The following CTNNA2 variants were observed in gnomAD, a reference collection of about 807,000 sequenced individuals.
CTNNA2 encodes catenin alpha 2, also known as catenin alpha-2.
Under a neutral mutation model 101.0 loss-of-function variants are expected in CTNNA2, and 42 were observed. The observed-to-expected ratio is 0.42, with a 90% CI of 0.32 to 0.54. The LOEUF (loss-of-function observed/expected upper bound fraction) is 0.54, where lower values mean the gene tolerates loss of function less well. Ranked by LOEUF, CTNNA2 falls within the 20% of genes least tolerant of loss-of-function variation. CTNNA2 has a pLI of 0.14. For synonymous variants in CTNNA2, 450 were observed against 456.4 expected (o/e 0.99, Z 0.18); for missense variants, 871 against 1,223.1 (o/e 0.71, Z 4.29).
chr2:80,572,872 A>G (rs977677991), intron 12 of CTNNA2: 2 of 152,206 alleles, frequency 1.3e-5, no homozygotes, highest in African/African-American at 4.8e-5. Flanking sequence ...GGTAATTTCT[A>G]CTAAAGTGTG....
chr2:79,857,613 G>A (rs1037209051), intron 3 of CTNNA2, among the ~76,000 whole-genome samples: 2 of 152,162 alleles, frequency 1.3e-5, no homozygotes, highest in African/African-American at 4.8e-5. Context: ...ATTCCATGTG[G>A]AACAATTTGT....
At chr2:79,930,915 C>T (rs181488441) in intron 7 of CTNNA2, among the ~76,000 whole-genome samples, 244 of 152,326 alleles carry the variant, frequency 1.6e-3, no homozygotes, top group African/African-American at 5.5e-3. Context: ...CAGTATGAAG[C>T]AGATTTTAGA....
chr2:79,259,871 A>G (rs1215330325), intron 2 of CTNNA2, among the ~76,000 whole-genome samples: 1 of 152,236 alleles, frequency 6.6e-6, no homozygotes, highest in Non-Finnish European at 1.5e-5. Flanking sequence ...CTATGCAGAT[A>G]GATAAGAGAC....
intron 7 of CTNNA2, among the ~76,000 whole-genome samples, chr2:79,977,050 G>T (rs964365148): frequency 1.3e-5 from 2 of 152,162 alleles, no homozygotes; most frequent in Admixed American, 6.5e-5. Context: ...TTCACACAGA[G>T]CTTGAAACTT....
intron 1 of CTNNA2, among the ~76,000 whole-genome samples, chr2:79,558,452 C>G (rs1430641): frequency 0.5 from 76,480 of 151,554 alleles, 20,035 homozygotes; most frequent in Middle Eastern, 0.58. Flanking sequence ...TTATGACATA[C>G]AGTAGTGCTG....
At chr2:80,646,821 A>ATCTT (rs1282852186) in intron 18 of CTNNA2, among the ~76,000 whole-genome samples, 13 of 152,114 alleles carry the variant, frequency 8.5e-5, no homozygotes, top group Non-Finnish European at 4.4e-5. Flanking sequence ...GATGAGTAGT[A>ATCTT]TCTTTAAAGA....
At chr2:80,083,200 A>C (rs1219717395) in intron 7 of CTNNA2, among the ~76,000 whole-genome samples, 1 of 152,164 alleles carries the variant, frequency 6.6e-6, no homozygotes, top group Non-Finnish European at 1.5e-5. Flanking sequence ...TGACATTCAA[A>C]GTTTCAATCT....
At chr2:79,655,238 A>G (rs983952091) in intron 2 of CTNNA2, among the ~76,000 whole-genome samples, 11 of 152,308 alleles carry the variant, frequency 7.2e-5, no homozygotes, top group Middle Eastern at 6.8e-3. Flanking sequence ...AGTACCTATA[A>G]GTATATTTAA....
At chr2:79,869,762 G>A (rs1294635436) in intron 4 of CTNNA2, 54 bp from the exon 5 acceptor site, 1 of 1,575,898 alleles carries the variant, frequency 6.3e-7, no homozygotes, top group African/African-American at 1.4e-5. Flanking sequence ...CTAACATGTT[G>A]AATAATATTT....
intron 4 of CTNNA2, among the ~76,000 whole-genome samples, chr2:79,395,902 G>A (rs1376617): frequency 1 from 152,301 of 152,314 alleles, 76,144 homozygotes; most frequent in Middle Eastern, 1. Flanking sequence ...GCAGGCCTCC[G>A]TGTGACAAAT....
Position 79,277,693 on chromosome 2 carries a change from G to T in CTNNA2, c.-405-35016G>T, listed in dbSNP as rs150961985. Among the ~76,000 whole-genome samples, 605 of 152,134 alleles carry T rather than the reference G, an allele frequency of 4.0e-3. 3 individuals carry two copies. Among genetic ancestry groups the T allele is most frequent in the African/African-American group, 0.014 (581 of 41,516 alleles). Reference sequence around the variant, plus strand: ...TCATGTTAGCTAGAGGTAGACCCAGGATTCAAACCTACATGTTTGACCCCA... The same window carrying T: ...TCATGTTAGCTAGAGGTAGACCCAGTATTCAAACCTACATGTTTGACCCCA... On this transcript the variant is annotated intron_variant, in intron 2 of 21. Transcript: ENST00000466387.
chr2:79,983,478 C>T lies in CTNNA2; in HGVS notation c.1056+73681C>T, dbSNP rs1012725102. ...GGGTCTCCTTTAGATACTCATGGTGCGTGCTTCTCTAAGAGAACTTGGTAA... is the reference window on the plus strand; with the variant it reads ...GGGTCTCCTTTAGATACTCATGGTGTGTGCTTCTCTAAGAGAACTTGGTAA... On this transcript the variant is annotated intron_variant, in intron 7 of 18. Transcript: ENST00000402739. Among the ~76,000 whole-genome samples, 9 of 152,128 alleles carry T rather than the reference C, an allele frequency of 5.9e-5. No homozygotes were observed. In the South Asian group the frequency reaches 1.5e-3, roughly 25 times the overall value.
intron 3 of CTNNA2, among the ~76,000 whole-genome samples, chr2:79,329,324 C>T (rs1219410247): frequency 1.3e-5 from 2 of 152,068 alleles, no homozygotes; most frequent in East Asian, 3.9e-4. Flanking sequence ...ACCCCGGGAA[C>T]AAGTATGTGG....
intron 7 of CTNNA2, among the ~76,000 whole-genome samples, chr2:80,205,698 C>A (rs958235348): frequency 2.0e-5 from 3 of 152,168 alleles, no homozygotes; most frequent in African/African-American, 4.8e-5. Context: ...GCCTCTCTTG[C>A]GGTTTTCCAG....
chr2:79,592,040 T>G (rs900167102), intron 1 of CTNNA2, among the ~76,000 whole-genome samples: 1 of 151,998 alleles, frequency 6.6e-6, no homozygotes, highest in Non-Finnish European at 1.5e-5. Context: ...TCATTTATCT[T>G]TCTGTTTTCC....
At chr2:80,177,518 C>T (rs1171331004) in intron 7 of CTNNA2, among the ~76,000 whole-genome samples, 2 of 152,094 alleles carry the variant, frequency 1.3e-5, no homozygotes, top group African/African-American at 4.8e-5. Flanking sequence ...AGTGGAAGTC[C>T]GTGTTGCTGA....
intron 15 of CTNNA2, 52 bp from the exon 16 acceptor site, chr2:80,604,022 C>T: frequency 6.6e-7 from 1 of 1,508,384 alleles, no homozygotes; most frequent in Non-Finnish European, 9.2e-7. Context: ...GTAGGTTGGT[C>T]TCTTTCCCGT....
intron 4 of CTNNA2, among the ~76,000 whole-genome samples, chr2:79,422,762 A>G (rs1473512344): frequency 6.6e-6 from 1 of 152,216 alleles, no homozygotes; most frequent in African/African-American, 2.4e-5. Context: ...TAAAAAGAAT[A>G]AAGTACTTGT....
intron 2 of CTNNA2, among the ~76,000 whole-genome samples, chr2:79,729,334 TA>T (rs1396593326): frequency 6.6e-6 from 1 of 152,240 alleles, no homozygotes; most frequent in East Asian, 1.9e-4. Flanking sequence ...AGCATCCCTT[TA>T]AGGTGTATAT....
Sources: allele counts gnomAD v4.1 joint callset (sites outside exome capture counted in the v4.1 genomes callset), GRCh38; gene constraint gnomAD v4.1.1; transcripts MANE v1.5; gene names NCBI Gene and HGNC (gene_info 2026-07-23, HGNC 2026-07-21).